Variants in ST3GAL5 observed in about 807,000 individuals in gnomAD.
ST3GAL5 encodes lactosylceramide alpha-2,3-sialyltransferase.
A neutral mutation model predicts 46.1 loss-of-function variants in ST3GAL5; 25 were observed. The ratio of observed to expected loss-of-function variants is 0.54; its 90% CI spans 0.40 to 0.76. The LOEUF (loss-of-function observed/expected upper bound fraction) is 0.76. Ranked by LOEUF, ST3GAL5 falls within the 30% of genes least tolerant of loss-of-function variation. The pLI is 0.00. For missense variants in ST3GAL5, 431 were observed against 521.2 expected (o/e 0.83, Z 1.69); for synonymous variants, 182 against 192.7 (o/e 0.94, Z 0.46).
intron 2 of ST3GAL5, among the ~76,000 whole-genome samples, chr2:85,861,773 A>C (rs1214327832): frequency 6.6e-6 from 1 of 152,118 alleles, no homozygotes; most frequent in African/African-American, 2.4e-5. Context: ...ATGACCTAAA[A>C]AATATTTTTT....
intron 1 of ST3GAL5, among the ~76,000 whole-genome samples, chr2:85,866,395 C>T (rs922288460): frequency 3.9e-5 from 6 of 152,224 alleles, no homozygotes; most frequent in Admixed American, 6.5e-5. Flanking sequence ...TCACTTACCT[C>T]GAATGCCCTG....
At chr2:85,867,539 C>A in intron 1 of ST3GAL5, 1 of 779,006 alleles carries the variant, frequency 1.3e-6, no homozygotes, top group South Asian at 1.3e-5. Flanking sequence ...CAAACCCACC[C>A]CCAAAGGCCA....
intron 3 of ST3GAL5, among the ~76,000 whole-genome samples, chr2:85,859,168 G>C (rs1684464363): frequency 6.6e-6 from 1 of 152,192 alleles, no homozygotes; most frequent in South Asian, 2.1e-4. Context: ...TTGTACAGGA[G>C]AGCGCACCTC....
chr2:85,848,996 T>C (rs1683149383), intron 3 of ST3GAL5: 1 of 152,458 alleles, frequency 6.6e-6, no homozygotes, highest in African/African-American at 2.4e-5. Flanking sequence ...ACACAGAAAT[T>C]GCATTGGTTT....
intron 1 of ST3GAL5, among the ~76,000 whole-genome samples, chr2:85,867,203 C>T (rs899888357): frequency 2.0e-5 from 3 of 152,168 alleles, no homozygotes; most frequent in Non-Finnish European, 2.9e-5. Context: ...GCACAAACTA[C>T]ATGAATACTC....
chr2:85,839,987 AG>A lies in ST3GAL5; in HGVS notation c.*156del. On this transcript the variant is annotated 3_prime_UTR_variant, in exon 7 of 7. Transcript: ENST00000638572. ...GACCTCAAATAAATAGGAAAAAAAA[AG>A]TGGGAAGAGCTAAAATTTTTTTTGT... is the stretch of plus-strand genomic sequence containing the variant. 9.5e-7 allele frequency: 1 copy of A among 1,050,656 alleles called. No individual in the cohort carries two copies. The highest frequency in any genetic ancestry group is 1.4e-6 in the Non-Finnish European group (1 of 730,308). The allele number at this position is 1,050,656 out of a possible 1,614,324, so 65.1% of individuals were successfully genotyped here.
At chr2:85,882,657 C>T (rs970216945) in intron 1 of ST3GAL5, among the ~76,000 whole-genome samples, 4 of 139,104 alleles carry the variant, frequency 2.9e-5, no homozygotes, top group Non-Finnish European at 6.2e-5. Context: ...GGTGAAACCC[C>T]ATCTCTACTA....
chr2:85,844,681 T>A, intron 5 of ST3GAL5, 127 bp from the exon 6 acceptor site: 2 of 1,297,446 alleles, frequency 1.5e-6, no homozygotes, highest in Non-Finnish European at 2.2e-6. Context: ...TGAAGCAATC[T>A]ACTCCTATAG....
At chr2:85,869,320 A>T (rs56083339) in intron 1 of ST3GAL5, among the ~76,000 whole-genome samples, 26,835 of 151,528 alleles carry the variant, frequency 0.18, 2,821 homozygotes, top group South Asian at 0.34. Flanking sequence ...GTTGGGGTTA[A>T]GGGCGTGAGC....
intron 1 of ST3GAL5, 133 bp downstream of exon 1, chr2:85,888,691 C>G (rs913872970): frequency 9.2e-6 from 6 of 651,808 alleles, no homozygotes; most frequent in African/African-American, 3.9e-5. Flanking sequence ...CTGAGGGTGT[C>G]GTGCCCTGGG....
chr2:85,867,571 G>C, intron 1 of ST3GAL5: 1 of 780,890 alleles, frequency 1.3e-6, no homozygotes, highest in Non-Finnish European at 2.4e-6. Context: ...GACGAATCCA[G>C]TTTCTCAGAA....
chr2:85,873,429 G>A (rs1041937750), intron 1 of ST3GAL5, among the ~76,000 whole-genome samples: 13 of 152,116 alleles, frequency 8.5e-5, no homozygotes, highest in African/African-American at 2.7e-4. Context: ...TTCAGGAAGG[G>A]GACATGAAAC....
At chr2:85,874,686 C>T (rs1204353947) in intron 1 of ST3GAL5, among the ~76,000 whole-genome samples, 3 of 152,096 alleles carry the variant, frequency 2.0e-5, no homozygotes, top group Admixed American at 2.0e-4. Context: ...GGGACTGTGT[C>T]CATTTTGTTC....
rs1449398935 is a variant in ST3GAL5 at position 85,848,078 on chromosome 2, G to C, written c.445C>G (p.Pro149Ala). 1 of 1,613,986 alleles carries C rather than the reference G, an allele frequency of 6.2e-7. No homozygotes were observed. The highest frequency in any genetic ancestry group is 1.3e-5 in the African/African-American group (1 of 74,898). ...VDLLPFVQKA[P>A]KDSEAESKYD... ...TTGGACTCAGCTTCACTGTCTTTGGGGGCCTTCTGCACAAAAGGGAGTAAG... is the reference window on the plus strand; with the variant it reads ...TTGGACTCAGCTTCACTGTCTTTGGCGGCCTTCTGCACAAAAGGGAGTAAG... The change falls in exon 4 of 7, where the codon CCC becomes GCC. Residue 149 changes from proline (P) to alanine (A), a missense_variant. Transcript: ENST00000638572.
chr2:85,870,950 T>C (rs910351871), intron 1 of ST3GAL5, among the ~76,000 whole-genome samples: 12 of 152,138 alleles, frequency 7.9e-5, no homozygotes, highest in African/African-American at 2.9e-4. Flanking sequence ...TACATGTTTA[T>C]GGAATACATG....
intron 1 of ST3GAL5, among the ~76,000 whole-genome samples, chr2:85,872,813 T>A (rs1686096958): frequency 6.6e-6 from 1 of 152,152 alleles, no homozygotes; most frequent in South Asian, 2.1e-4. Flanking sequence ...GCCATTCAAG[T>A]CACCGTTGGA....
intron 1 of ST3GAL5, among the ~76,000 whole-genome samples, chr2:85,881,210 G>C (rs1687110699): frequency 6.6e-6 from 1 of 152,210 alleles, no homozygotes; most frequent in Non-Finnish European, 1.5e-5. Context: ...ACCTTCCCCA[G>C]ACATGTGGAA....
intron 3 of ST3GAL5, chr2:85,854,209 TG>T (rs1303546664): frequency 6.6e-6 from 1 of 152,226 alleles, no homozygotes. Context: ...CGCTCAGCAC[TG>T]GGGTGACATG....
intron 4 of ST3GAL5, chr2:85,846,820 C>A: frequency 2.2e-6 from 1 of 446,604 alleles, no homozygotes; most frequent in Non-Finnish European, 4.0e-6. Context: ...TTTACTCAAT[C>A]TAAGCATATT....
Sources: allele counts gnomAD v4.1 joint callset (sites outside exome capture counted in the v4.1 genomes callset), GRCh38; gene constraint gnomAD v4.1.1; transcripts MANE v1.5; gene names NCBI Gene and HGNC (gene_info 2026-07-23, HGNC 2026-07-21).